The following ZNF208 variants were observed in gnomAD, a reference collection of about 807,000 sequenced individuals.
The protein encoded by ZNF208 is zinc finger protein 208.
ZNF208 carries 10 observed loss-of-function variants against 12.1 expected under a neutral mutation model. That is an observed-to-expected ratio of 0.83 (90% confidence interval 0.51 to 1.40). The LOEUF (loss-of-function observed/expected upper bound fraction) is 1.40, where lower values mean the gene tolerates loss of function less well. Ranked by LOEUF, ZNF208 falls within the 40% of genes most tolerant of loss-of-function variation. The pLI, the probability that ZNF208 is intolerant of heterozygous loss-of-function variation, is 0.00. For synonymous variants in ZNF208, 497 were observed against 488.4 expected (o/e 1.02, Z -0.23); for missense variants, 1,652 against 1,485.0 (o/e 1.11, Z -1.85).
rs1970323690 is a variant in ZNF208, at chr19:21,972,661, G to A, written c.2373C>T (p.Ile791=). The part of the protein sequence containing the change: ...ECGKAFNRSA[I]LIKHKRIHTD... ...TATGAATTCTCTTATGTTTAATAAG[G>A]ATTGCAGATCGGTTAAAAGCTTTGC... The change falls in exon 4 of 4, where the codon ATC becomes ATT. Residue 791 remains isoleucine (I), a synonymous_variant. Coordinates refer to ENST00000397126, the MANE Select transcript of ZNF208 (RefSeq NM_007153.3). 7.4e-6 allele frequency: 12 copies of A among 1,612,806 alleles called. No homozygotes were observed. The African/African-American group carries it at 8.0e-5, about 11-fold the overall frequency.
At chr19:21,998,229 ACTGTAAGCT>A (rs1219709485) in intron 1 of ZNF208, 1 of 139,232 alleles carries the variant, frequency 7.2e-6, no homozygotes, top group Non-Finnish European at 1.5e-5. Flanking sequence ...ATCTCGGCTC[ACTGTAAGCT>A]CTGCCTTCTG....
intron 4 of ZNF208, among the ~76,000 whole-genome samples, chr19:21,958,572 G>A (rs1970014809): frequency 6.6e-6 from 1 of 152,088 alleles, no homozygotes. Context: ...AACCTTTTTA[G>A]GTGTTTCCTG....
At chr19:21,944,405 G>A (rs1969786434) in intron 4 of ZNF208, among the ~76,000 whole-genome samples, 4 of 152,040 alleles carry the variant, frequency 2.6e-5, no homozygotes, top group African/African-American at 9.7e-5. Flanking sequence ...CCCTTAACCT[G>A]TTATTCCACA....
chr19:21,981,738 A>T (rs979266105), intron 3 of ZNF208, among the ~76,000 whole-genome samples: 8 of 152,246 alleles, frequency 5.3e-5, no homozygotes, highest in African/African-American at 1.9e-4. Flanking sequence ...GAAATAAAGG[A>T]TATTCAAATA....
rs962186082 is a variant in ZNF208 at position 21,982,533 on chromosome 19, C to CA, written c.226+4682dup. Among the ~76,000 whole-genome samples the CA allele has an allele frequency of 5.9e-5, 9 of 151,616 alleles. No homozygotes were observed. The East Asian group carries it at 1.2e-3, about 20-fold the overall frequency. On this transcript the variant is annotated intron_variant, in intron 3 of 3. Transcript: ENST00000397126. Reference sequence around the variant, plus strand: ...AACCGCTTTAAATTTCATACAGAACCAAAAAAAAGCTCATATAGCCAAGAC... The same window carrying CA: ...AACCGCTTTAAATTTCATACAGAACCAAAAAAAAAGCTCATATAGCCAAGAC...
chr19:21,990,525 G>A (rs563603487), intron 1 of ZNF208, among the ~76,000 whole-genome samples: 98 of 151,876 alleles, frequency 6.5e-4, no homozygotes, highest in African/African-American at 1.7e-3. Context: ...GTCAGGTAGC[G>A]TGATGCCTCC....
chr19:21,944,530 T>C (rs921572585), intron 4 of ZNF208, among the ~76,000 whole-genome samples: 13 of 152,176 alleles, frequency 8.5e-5, no homozygotes, highest in African/African-American at 2.7e-4. Flanking sequence ...GGTTTTATTC[T>C]TATTCTTAAA....
Position 21,972,173 on chromosome 19 carries a change from T to A in ZNF208, c.2861A>T (p.Tyr954Phe). The change falls in exon 4 of 4, where the codon TAT becomes TTT. Residue 954 changes from tyrosine (Y) to phenylalanine (F), a missense_variant. Transcript: ENST00000397126. Reference protein sequence around the residue: ...FYKCEACGKAYKSSSTLSYHK... With the variant: ...FYKCEACGKAFKSSSTLSYHK... ...ATAACTAAGGGTTGAGGATGACTTA[T>A]AGGCTTTGCCACATGCTTCACATTT... 6.2e-7 allele frequency: 1 copy of A among 1,609,776 alleles called. No homozygotes were observed. Among genetic ancestry groups the A allele is most frequent in the Non-Finnish European group, 8.5e-7 (1 of 1,177,814 alleles).
At chr19:22,002,076 A>T in intron 1 of ZNF208, among the ~76,000 whole-genome samples, 1 of 152,146 alleles carries the variant, frequency 6.6e-6, no homozygotes, top group Non-Finnish European at 1.5e-5. Context: ...TTCATCACAT[A>T]AACAGAATTA....
chr19:21,970,884 T>G lies in ZNF208; in HGVS notation c.*307A>C. On this transcript the variant is annotated 3_prime_UTR_variant, in exon 4 of 4. Transcript: ENST00000397126. ...GGGTTTCTCTCCAGTATGAATTTTC[T>G]ATGATAACTGAGGGTTGAGGACCAC... 6.6e-7 allele frequency: 1 copy of G among 1,522,636 alleles called. No homozygotes were observed. The highest frequency in any genetic ancestry group is 9.1e-7 in the Non-Finnish European group (1 of 1,099,356). The allele number at this position is 1,522,636 out of a possible 1,614,324, so 94.3% of individuals were successfully genotyped here.
In ZNF208 at chr19:21,968,013, A is replaced by G. The variant is rs1358888986; in HGVS notation, c.*3178T>C. On this transcript the variant is annotated 3_prime_UTR_variant, in exon 4 of 4. Transcript: ENST00000397126. ...GTGTGTTTGTTGCTATTGTAAATAGAGCTGTGTTTTTTATTTTGTTCTCAG... is the reference window on the plus strand; with the variant it reads ...GTGTGTTTGTTGCTATTGTAAATAGGGCTGTGTTTTTTATTTTGTTCTCAG... The G allele has an allele frequency of 6.6e-6, 1 of 151,986 alleles. No individual in the cohort carries two copies. Among genetic ancestry groups the G allele is most frequent in the Non-Finnish European group, 1.5e-5 (1 of 67,988 alleles). 9.4% of individuals were successfully genotyped at this position (151,986 alleles called of 1,614,324 possible).
intron 4 of ZNF208, among the ~76,000 whole-genome samples, chr19:21,946,919 G>T (rs1401252882): frequency 6.6e-6 from 1 of 151,562 alleles, no homozygotes; most frequent in African/African-American, 2.4e-5. Context: ...AGCCAATGAA[G>T]GTGTTGGCAC....
chr19:21,972,828 G>A lies in ZNF208; in HGVS notation c.2206C>T (p.Leu736Phe). The A allele has an allele frequency of 1.2e-6, 2 of 1,612,362 alleles. No individual in the cohort carries two copies. The highest frequency in any genetic ancestry group is 1.7e-6 in the Non-Finnish European group (2 of 1,179,822). The stretch of plus-strand genomic sequence containing the variant: ...GTATGAATTACCTTATGTTTAGTAA[G>A]GACTGAGAATGTACTAAAGCTTTTG... Reference protein sequence around the residue: ...CGKSFSTFSVLTKHKVIHTGE... With the variant: ...CGKSFSTFSVFTKHKVIHTGE... The change falls in exon 4 of 4, where the codon CTT becomes TTT. Residue 736 changes from leucine (L) to phenylalanine (F), a missense_variant. Leu to Phe is a conservative substitution (Grantham distance 22, BLOSUM62 0). Coordinates refer to ENST00000397126, the MANE Select transcript of ZNF208 (RefSeq NM_007153.3).
intron 4 of ZNF208, among the ~76,000 whole-genome samples, chr19:21,951,093 A>G (rs528288263): frequency 3.3e-5 from 5 of 152,362 alleles, no homozygotes; most frequent in Admixed American, 1.3e-4. Context: ...GGTGGTCTAA[A>G]TTATGCAGGT....
At chr19:21,952,982 A>T (rs1438256096) in intron 4 of ZNF208, among the ~76,000 whole-genome samples, 1 of 152,240 alleles carries the variant, frequency 6.6e-6, no homozygotes, top group Non-Finnish European at 1.5e-5. Flanking sequence ...AAATGACCTG[A>T]TGGAGCTGAA....
rs1568445972 is a variant in ZNF208 at position 21,974,380 on chromosome 19, A to G, written c.654T>C (p.Tyr218=). ...KAFNWSSTLT[Y]YKSAHTGEKP... ...TCTCTCCAGTATGAGCACTCTTATA[A>G]TAAGTAAGGGTTGAGGACCAGTTAA... The change falls in exon 4 of 4, where the codon TAT becomes TAC. Residue 218 remains tyrosine, a synonymous_variant. Transcript: ENST00000397126. The G allele has an allele frequency of 3.1e-6, 5 of 1,613,466 alleles. No individual in the cohort carries two copies. The highest frequency in any genetic ancestry group is 1.3e-5 in the African/African-American group (1 of 74,934).
Position 21,973,654 on chromosome 19 carries a change from T to G in ZNF208, c.1380A>C (p.Lys460Asn). Reference sequence around the variant, plus strand: ...TAAGGATTGAGAACATACTAAAGCCTTTGCCACATTCTTCACATTTGTAGG... The same window carrying G: ...TAAGGATTGAGAACATACTAAAGCCGTTGCCACATTCTTCACATTTGTAGG... ...ETPYKCEECGKGFSMFSILTK... is the reference protein window; with the variant it reads ...ETPYKCEECGNGFSMFSILTK... The change falls in exon 4 of 4, where the codon AAA becomes AAC. Residue 460 changes from lysine to asparagine, a missense_variant. By Grantham distance (94) the Lys-to-Asn change is moderately conservative. Transcript: ENST00000397126. 6.4e-7 allele frequency: 1 copy of G among 1,570,150 alleles called. No individual in the cohort carries two copies. The highest frequency in any genetic ancestry group is 8.7e-7 in the Non-Finnish European group (1 of 1,143,620).
rs1055214903 is a variant in ZNF208 at position 21,972,194 on chromosome 19, C to G, written c.2840G>C (p.Cys947Ser). 2 of 1,613,082 alleles carry G rather than the reference C, an allele frequency of 1.2e-6. No homozygotes were observed. Among genetic ancestry groups the G allele is most frequent in the Non-Finnish European group, 1.7e-6 (2 of 1,179,732 alleles). ...CTTATAGGCTTTGCCACATGCTTCA[C>G]ATTTGTAGAATTTCTCTCCAGCATG... is the stretch of plus-strand genomic sequence containing the variant. The part of the protein sequence containing the change: ...KTHAGEKFYK[C>S]EACGKAYKSS... Residue 947 changes from cysteine to serine, a missense_variant, in exon 4 of 4, where the codon TGT (cysteine) becomes TCT (serine). Coordinates refer to ENST00000397126, the MANE Select transcript of ZNF208 (RefSeq NM_007153.3).
At chr19:22,009,990 C>G (rs1224020898) in intron 1 of ZNF208, among the ~76,000 whole-genome samples, 2 of 152,052 alleles carry the variant, frequency 1.3e-5, no homozygotes, top group East Asian at 3.9e-4. Flanking sequence ...TCGAGAACAT[C>G]CTGGCTAACA....
Sources: gnomAD v4.1 joint callset for allele counts (sites outside exome capture counted in the v4.1 genomes callset) on GRCh38, gnomAD v4.1.1 for gene constraint, MANE v1.5 for transcripts, NCBI Gene and HGNC (gene_info 2026-07-23, HGNC 2026-07-21) for gene names.